LPCAT4: variants seen among roughly 807,000 people sequenced by gnomAD.
LPCAT4 encodes the protein lysophospholipid acyltransferase LPCAT4.
Under a neutral mutation model 66.5 loss-of-function variants are expected in LPCAT4, and 30 were observed. The observed-to-expected ratio is 0.45, with a 90% CI of 0.34 to 0.61. The LOEUF is 0.61. Among genes scored for constraint, LPCAT4 ranks in the 20% least tolerant of loss-of-function variants. The pLI is 0.01. For synonymous variants in LPCAT4, 253 were observed against 262.1 expected (o/e 0.97, Z 0.34); for missense variants, 557 against 656.7 (o/e 0.85, Z 1.66).
At chr15:34,361,991 G>A (rs1279814154) in intron 10 of LPCAT4, among the ~76,000 whole-genome samples, 1 of 152,176 alleles carries the variant, frequency 6.6e-6, no homozygotes, top group Non-Finnish European at 1.5e-5. Context: ...GAGCCACCGT[G>A]CCCGGCCCCT....
Position 34,362,630 on chromosome 15 carries a change from G to T in LPCAT4, c.827C>A (p.Pro276His). The change falls in exon 9 of 14, where the codon CCT becomes CAT. Residue 276 changes from proline to histidine, a missense_variant. Pro to His is a moderately conservative substitution (Grantham distance 77). This residue lies in a region of LPCAT4 where 392 missense variants were observed against 473.9 expected (regional missense o/e 0.83). Coordinates refer to ENST00000314891, the MANE Select transcript of LPCAT4 (RefSeq NM_153613.3). ...GAGGGTGGGGTCCCTGCTCTCCTCA[G>T]GGCTGGGGTGATACACAGGAAGGAA... ...VEFLPVYHPS[P>H]EESRDPTLYA... 6.3e-7 allele frequency: 1 copy of T among 1,590,354 alleles called. No individual in the cohort carries two copies. The highest frequency in any genetic ancestry group is 8.6e-7 in the Non-Finnish European group (1 of 1,166,698).
chr15:34,361,574 C>T, intron 10 of LPCAT4, 42 bp from the exon 11 acceptor site: 1 of 1,608,426 alleles, frequency 6.2e-7, no homozygotes, highest in African/African-American at 1.3e-5. Context: ...TCTCAGTTTC[C>T]TTCTGGACAC....
chr15:34,361,365 G>A, intron 11 of LPCAT4, 35 bp downstream of exon 11: 1 of 1,612,920 alleles, frequency 6.2e-7, no homozygotes, highest in Non-Finnish European at 8.5e-7. Flanking sequence ...AGGGAAGCCT[G>A]GGTTCTGCTC....
At chr15:34,365,280 C>A in intron 2 of LPCAT4, 52 bp from the exon 3 acceptor site, 2 of 1,532,200 alleles carry the variant, frequency 1.3e-6, no homozygotes, top group East Asian at 2.3e-5. Context: ...AACCCTCACC[C>A]GCCCCCAGGT....
At chr15:34,366,555 G>A (rs1355833026) in intron 1 of LPCAT4, among the ~76,000 whole-genome samples, 1 of 152,042 alleles carries the variant, frequency 6.6e-6, no homozygotes. Flanking sequence ...AGGGTCGCAG[G>A]CTCCCGGCCC....
chr15:34,358,893 G>T lies in LPCAT4; in HGVS notation c.*234C>A. The T allele has an allele frequency of 5.4e-6, 1 of 185,868 alleles. No homozygotes were observed. The highest frequency in any genetic ancestry group is 1.1e-5 in the Non-Finnish European group (1 of 91,390). The allele number at this position is 185,868 out of a possible 1,614,324, so 11.5% of individuals were successfully genotyped here. A position where few individuals can be genotyped will look rare whatever the true frequency, so the allele number is the denominator to read the frequency against. On this transcript the variant is annotated 3_prime_UTR_variant, in exon 14 of 14. Coordinates refer to ENST00000314891, the MANE Select transcript of LPCAT4 (RefSeq NM_153613.3). Reference sequence around the variant, plus strand: ...TCATCCCTTTCCTTCCCAAGTAATGGTAACATCAATATGACTGGACTTCAT... The same window carrying T: ...TCATCCCTTTCCTTCCCAAGTAATGTTAACATCAATATGACTGGACTTCAT...
At chr15:34,360,467 G>A (rs1890916672) in intron 11 of LPCAT4, among the ~76,000 whole-genome samples, 1 of 152,234 alleles carries the variant, frequency 6.6e-6, no homozygotes, top group African/African-American at 2.4e-5. Context: ...AATCCCTCAG[G>A]AATGCTGAAG....
rs140357996 is a variant in LPCAT4 at position 34,360,092 on chromosome 15, C to T, written c.1242+19G>A. On this transcript the variant is annotated intron_variant, in intron 12 of 13. Coordinates refer to ENST00000314891, the MANE Select transcript of LPCAT4 (RefSeq NM_153613.3). ...AGCATAGCCACTAAGCACCCCCCAC[C>T]ACCGCCACCCCCCATTACCTCAAAG... 3.7e-5 allele frequency: 59 copies of T among 1,583,086 alleles called. 2 individuals carry two copies. In the African/African-American group the frequency reaches 6.3e-4, roughly 17 times the overall value.
chr15:34,364,393 G>T, intron 3 of LPCAT4, 87 bp from the exon 4 acceptor site: 1 of 748,686 alleles, frequency 1.3e-6, no homozygotes, highest in South Asian at 1.7e-5. Context: ...TCAACAGCAT[G>T]AGAAGTTTCT....
chr15:34,364,920 G>A lies in LPCAT4; in HGVS notation c.478+88C>T, dbSNP rs536853202. ...TGCCAACAGTCCCTCCCCACTTTGA[G>A]GCCAGTTCTTCACTCCAGTGTCTCC... On this transcript the variant is annotated intron_variant, in intron 3 of 13. Transcript: ENST00000314891. The A allele has an allele frequency of 1.6e-5, 18 of 1,112,620 alleles. No individual in the cohort carries two copies. The African/African-American group carries it at 2.7e-4, about 16-fold the overall frequency. 68.9% of individuals were successfully genotyped at this position (1,112,620 alleles called of 1,614,324 possible). A position where few individuals can be genotyped will look rare whatever the true frequency, so the allele number is the denominator to read the frequency against.
Position 34,359,149 on chromosome 15 carries a change from G to A in LPCAT4, c.1553C>T (p.Ala518Val), listed in dbSNP as rs1215217571. Residue 518 changes from alanine (A) to valine (V), a missense_variant, in exon 14 of 14, where the codon GCA (alanine) becomes GTA (valine). Ala to Val is a moderately conservative substitution (Grantham distance 64). Transcript: ENST00000314891. The stretch of plus-strand genomic sequence containing the variant: ...CACTCAGTCTCCCTTCTGCTTGGGT[G>A]CTTGCACAGTCCCATTGGCCAGAGC... ...PTALANGTVQ[A>V]PKQKGD The A allele has an allele frequency of 1.1e-5, 18 of 1,605,972 alleles. No individual in the cohort carries two copies. The highest frequency in any genetic ancestry group is 1.4e-5 in the Non-Finnish European group (17 of 1,177,134).
chr15:34,363,345 G>A lies in LPCAT4; in HGVS notation c.746+77C>T. 1 of 1,499,204 alleles carries A rather than the reference G, an allele frequency of 6.7e-7. No individual in the cohort carries two copies. Among genetic ancestry groups the A allele is most frequent in the Non-Finnish European group, 9.2e-7 (1 of 1,092,012 alleles). The allele number at this position is 1,499,204 out of a possible 1,614,324, so 92.9% of individuals were successfully genotyped here. A position where few individuals can be genotyped will look rare whatever the true frequency, so the allele number is the denominator to read the frequency against. ...TGAAGAAGGGCCATTCACCTTGTCG[G>A]GAGATTGGAAGATGGGCCAGGAATT... is the stretch of plus-strand genomic sequence containing the variant. On this transcript the variant is annotated intron_variant, in intron 7 of 13. Coordinates refer to ENST00000314891, the MANE Select transcript of LPCAT4 (RefSeq NM_153613.3). This position sits in a 1 kb window ranked among gnomAD's most constrained non-coding sequence, Gnocchi z 4.3.
intron 1 of LPCAT4, 60 bp downstream of exon 1, chr15:34,366,927 C>T (rs1180040770): frequency 5.2e-6 from 8 of 1,529,862 alleles, no homozygotes; most frequent in African/African-American, 1.4e-5. Context: ...TGCCAGGGCT[C>T]AAATGGCCCC....
In LPCAT4 at chr15:34,359,593, G is replaced by T; in HGVS notation, c.1395C>A (p.Ser465=). The T allele has an allele frequency of 6.2e-7, 1 of 1,612,012 alleles. No homozygotes were observed. The highest frequency in any genetic ancestry group is 8.5e-7 in the Non-Finnish European group (1 of 1,179,732). The part of the protein sequence containing the change: ...LCQAGSSQGL[S]LCQFQNFSLH... ...GCTGAGAAGGCAGTGACTCACAGAG[G>T]GAGAGGCCTTGGCTGGATCCTGCCT... Residue 465 remains serine (S), a synonymous_variant, in exon 13 of 14, where the codon TCC becomes TCA. Transcript: ENST00000314891.
rs1891016204 is a variant in LPCAT4, at chr15:34,364,215, G to A, written c.570C>T (p.Thr190=). 1 of 1,613,154 alleles carries A rather than the reference G, an allele frequency of 6.2e-7. No individual in the cohort carries two copies. The highest frequency in any genetic ancestry group is 1.3e-5 in the African/African-American group (1 of 74,916). ...RVVEEVRRRA[T]SGGKWPQVLF... is the part of the protein sequence containing the mutation. ...CCACCTGCGGCCACTTGCCTCCTGA[G>A]GTGGCCCGCCTTCGGACCTCCTCCA... Residue 190 remains threonine, a synonymous_variant, in exon 4 of 14, where the codon ACC becomes ACT. Transcript: ENST00000314891.
Position 34,360,048 on chromosome 15 carries a change from G to C in LPCAT4, c.1242+63C>G. 9.8e-6 allele frequency: 13 copies of C among 1,333,240 alleles called. No individual in the cohort carries two copies. In the South Asian group the frequency reaches 1.6e-4, roughly 16 times the overall value. The allele number at this position is 1,333,240 out of a possible 1,614,324, so 82.6% of individuals were successfully genotyped here. ...CTACTGGAAACAGCATACCAAAATA[G>C]GCCTCCTGGAGCGGGGTGAGCATAG... is the stretch of plus-strand genomic sequence containing the variant. On this transcript the variant is annotated intron_variant, in intron 12 of 13. Transcript: ENST00000314891.
intron 4 of LPCAT4, 25 bp from the exon 5 acceptor site, chr15:34,364,098 G>A (rs1478430920): frequency 3.7e-6 from 6 of 1,609,856 alleles, no homozygotes; most frequent in Non-Finnish European, 5.1e-6. Context: ...AGCAGAATGA[G>A]GTGAAGAAGA....
chr15:34,362,093 C>A (rs1890958256), intron 10 of LPCAT4, 103 bp downstream of exon 10: 2 of 1,453,398 alleles, frequency 1.4e-6, no homozygotes, highest in East Asian at 4.6e-5. Context: ...CAGTTTTTTT[C>A]ATTTTTAAGA....
chr15:34,366,429 C>G (rs996159338), intron 1 of LPCAT4, among the ~76,000 whole-genome samples: 2 of 152,110 alleles, frequency 1.3e-5, no homozygotes, highest in African/African-American at 4.8e-5. Context: ...CTGGCGCGGC[C>G]CTCCACTTCC....
Sources: gnomAD v4.1 joint callset for allele counts (sites outside exome capture counted in the v4.1 genomes callset) on GRCh38, gnomAD v4.1.1 for gene constraint, gnomAD v4.1.1 regional missense constraint, Gnocchi (gnomAD v3.1) non-coding constraint, MANE v1.5 for transcripts, NCBI Gene and HGNC (gene_info 2026-07-23, HGNC 2026-07-21) for gene names.